Variants in TDRD5 observed in about 807,000 individuals in gnomAD.
The protein encoded by TDRD5 is tudor domain containing 5.
A neutral mutation model predicts 120.6 loss-of-function variants in TDRD5; 41 were observed. The ratio of observed to expected loss-of-function variants is 0.34; its 90% CI spans 0.26 to 0.44. TDRD5 has a LOEUF of 0.44. Ranked by LOEUF, TDRD5 falls within the 20% of genes least tolerant of loss-of-function variation. TDRD5 has a pLI of 1.00. For synonymous variants in TDRD5, 430 were observed against 433.7 expected, an observed-to-expected ratio of 0.99 and a Z score of 0.11; for missense variants, 1,006 against 1,221.2, an observed-to-expected ratio of 0.82 and a Z score of 2.63.
chr1:179,670,286 G>C (rs1423841621), intron 17 of TDRD5, among the ~76,000 whole-genome samples: 1 of 152,042 alleles, frequency 6.6e-6, no homozygotes, highest in African/African-American at 2.4e-5. Flanking sequence ...GCTACTTGGG[G>C]GAGGCTGAGG....
chr1:179,603,369 T>A (rs12128260), intron 4 of TDRD5, among the ~76,000 whole-genome samples: 1 of 152,072 alleles, frequency 6.6e-6, no homozygotes, highest in African/African-American at 2.4e-5. Flanking sequence ...GTCCTTTATT[T>A]ATTTTTCTTG....
chr1:179,632,967 A>G (rs1677544053), intron 7 of TDRD5, among the ~76,000 whole-genome samples: 1 of 152,194 alleles, frequency 6.6e-6, no homozygotes, highest in Non-Finnish European at 1.5e-5. Context: ...AAAGTGTTGA[A>G]CATCACCTGC....
chr1:179,602,076 G>A (rs994736144), intron 4 of TDRD5, among the ~76,000 whole-genome samples: 1 of 152,234 alleles, frequency 6.6e-6, no homozygotes, highest in Non-Finnish European at 1.5e-5. Context: ...AAAGTGCTGG[G>A]ATTACAGGCA....
intron 17 of TDRD5, among the ~76,000 whole-genome samples, chr1:179,687,857 G>T (rs1441444845): frequency 2.1e-5 from 3 of 144,536 alleles, no homozygotes; most frequent in African/African-American, 7.6e-5. Context: ...CAGAGACTAG[G>T]ATTGCAACCC....
intron 13 of TDRD5, 111 bp downstream of exon 13, chr1:179,652,308 A>G: frequency 9.2e-7 from 1 of 1,081,204 alleles, no homozygotes; most frequent in Non-Finnish European, 1.3e-6. Flanking sequence ...GAAATTTTGC[A>G]CAGTGATCTT....
chr1:179,619,185 A>G (rs1368755635), intron 5 of TDRD5, among the ~76,000 whole-genome samples: 1 of 152,206 alleles, frequency 6.6e-6, no homozygotes, highest in African/African-American at 2.4e-5. Flanking sequence ...AAATATTACT[A>G]AATTGCCCTC....
At chr1:179,597,471 A>G (rs533162999) in intron 4 of TDRD5, among the ~76,000 whole-genome samples, 1 of 151,018 alleles carries the variant, frequency 6.6e-6, no homozygotes, top group East Asian at 2.0e-4. Flanking sequence ...AGCTGGGATT[A>G]CAGGCGTCAG....
At chr1:179,648,452 T>TGGGGG (rs754051680) in intron 11 of TDRD5, among the ~76,000 whole-genome samples, 4 of 37,296 alleles carry the variant, frequency 1.1e-4, no homozygotes, top group Non-Finnish European at 1.7e-4. Context: ...TGTTGTGGGG[T>TGGGGG]GGGGGGGGGG....
At chr1:179,597,714 G>A (rs1295197453) in intron 4 of TDRD5, among the ~76,000 whole-genome samples, 3 of 152,068 alleles carry the variant, frequency 2.0e-5, no homozygotes, top group African/African-American at 7.2e-5. Flanking sequence ...GAAGTTTTAT[G>A]TTTTCAGTTC....
intron 7 of TDRD5, among the ~76,000 whole-genome samples, chr1:179,632,477 A>G (rs995182968): frequency 2.6e-5 from 4 of 151,812 alleles, no homozygotes; most frequent in African/African-American, 9.7e-5. Context: ...CTGAATATAT[A>G]TAAACAGCAC....
chr1:179,593,094 G>T (rs1360363024), intron 2 of TDRD5, among the ~76,000 whole-genome samples: 2 of 152,100 alleles, frequency 1.3e-5, no homozygotes, highest in African/African-American at 4.8e-5. Flanking sequence ...TCAGGTTCTT[G>T]CACCTTAAGT....
chr1:179,651,939 T>A lies in TDRD5; in HGVS notation c.2002-100T>A, dbSNP rs1678739717. On this transcript the variant is annotated intron_variant, in intron 12 of 17. Coordinates refer to ENST00000444136, the MANE Select transcript of TDRD5 (RefSeq NM_001199085.3). ...AAATAAATAAATAAAATTTGGAAGA[T>A]AATATACTTCCATAGCATTTGAAAG... The A allele has an allele frequency of 3.1e-6, 4 of 1,292,232 alleles. No homozygotes were observed. The Admixed American group carries it at 9.0e-5, about 29-fold the overall frequency. 80.0% of individuals were successfully genotyped at this position (1,292,232 alleles called of 1,614,324 possible).
In TDRD5 at chr1:179,684,955, G is replaced by C. The variant is rs866065211; in HGVS notation, c.2861-5741G>C. Among the ~76,000 whole-genome samples, 23 of 152,298 alleles carry C rather than the reference G, an allele frequency of 1.5e-4. No homozygotes were observed. The Middle Eastern group carries it at 0.014, about 90-fold the overall frequency. On this transcript the variant is annotated intron_variant, in intron 17 of 17. Coordinates refer to ENST00000444136, the MANE Select transcript of TDRD5 (RefSeq NM_001199085.3). ...GACTCTGGATATTAGCCCTTTGTCA[G>C]ATGGGTAGATTGCAAAAATTTTCTC...
intron 17 of TDRD5, among the ~76,000 whole-genome samples, chr1:179,670,898 C>T (rs555271067): frequency 1.1e-4 from 16 of 152,226 alleles, no homozygotes; most frequent in Non-Finnish European, 2.2e-4. Context: ...ATTTTTTTCT[C>T]TTTACAATTT....
chr1:179,654,324 T>G lies in TDRD5; in HGVS notation c.2284T>G (p.Ser762Ala). ...NKSFEEDPKW[S>A]NPEPNDLKEE... ...GAGCTTTGAAGAAGATCCAAAGTGG[T>G]CCAACCCAGAACCAAACGATCTGAA... The change falls in exon 14 of 18, where the codon TCC (serine) becomes GCC (alanine). Residue 762 changes from serine (S) to alanine (A), a missense_variant. Ser to Ala is a moderately conservative substitution (Grantham distance 99, BLOSUM62 1). Around this residue, in one of 3 missense-constraint regions of TDRD5, gnomAD observed 403 missense variants for 448.1 expected, o/e 0.90. Transcript: ENST00000444136. 1.3e-6 allele frequency: 2 copies of G among 1,547,912 alleles called. No homozygotes were observed. The highest frequency in any genetic ancestry group is 2.4e-5 in the South Asian group (2 of 83,426).
intron 4 of TDRD5, among the ~76,000 whole-genome samples, chr1:179,603,183 C>T (rs1014674452): frequency 6.6e-6 from 1 of 152,056 alleles, no homozygotes; most frequent in African/African-American, 2.4e-5. Flanking sequence ...CGCTTGGTCA[C>T]TTTTGGTGTA....
At chr1:179,675,399 C>A (rs1162710049) in intron 17 of TDRD5, among the ~76,000 whole-genome samples, 3 of 148,348 alleles carry the variant, frequency 2.0e-5, no homozygotes, top group Non-Finnish European at 4.5e-5. Flanking sequence ...CCTGCCTCAG[C>A]CTCCCGAGTA....
intron 17 of TDRD5, among the ~76,000 whole-genome samples, chr1:179,678,750 C>G (rs556938023): frequency 1.1e-4 from 16 of 151,824 alleles, no homozygotes; most frequent in African/African-American, 3.6e-4. Context: ...TCATATATTC[C>G]GTGACCTTGC....
intron 11 of TDRD5, among the ~76,000 whole-genome samples, chr1:179,648,644 A>C (rs1468748292): frequency 6.6e-6 from 1 of 152,064 alleles, no homozygotes; most frequent in Admixed American, 6.5e-5. Flanking sequence ...AAAACAAAAA[A>C]AAATTTTAAA....
Sources: allele counts gnomAD v4.1 joint callset (sites outside exome capture counted in the v4.1 genomes callset), GRCh38; gene constraint gnomAD v4.1.1; regional missense constraint gnomAD v4.1.1; transcripts MANE v1.5; gene names NCBI Gene and HGNC (gene_info 2026-07-23, HGNC 2026-07-21).